Variants in LPP observed in about 807,000 individuals in gnomAD.
LPP encodes LIM domain containing preferred translocation partner in lipoma, also known as lipoma-preferred partner.
Under a neutral mutation model 60.4 loss-of-function variants are expected in LPP, and 38 were observed. The ratio of observed to expected loss-of-function variants is 0.63; its 90% CI spans 0.49 to 0.83. The LOEUF is 0.83. Ranked by LOEUF, LPP falls within the 40% of genes least tolerant of loss-of-function variation. The pLI is 0.00. For missense variants in LPP, 902 were observed against 783.6 expected (o/e 1.15, Z -1.80); for synonymous variants, 328 against 290.8 (o/e 1.13, Z -1.30).
intron 2 of LPP, among the ~76,000 whole-genome samples, chr3:188,231,099 A>G (rs1284667603): frequency 6.6e-6 from 1 of 152,248 alleles, no homozygotes; most frequent in African/African-American, 2.4e-5. Context: ...CCTGAGAGGC[A>G]AATCACAGTC....
chr3:188,239,347 A>G (rs988257863), intron 2 of LPP, among the ~76,000 whole-genome samples: 1 of 152,202 alleles, frequency 6.6e-6, no homozygotes, highest in African/African-American at 2.4e-5. Context: ...TTTTATTTAA[A>G]ACAAAACAAA....
chr3:188,492,349 G>GT (rs913398218), intron 5 of LPP, among the ~76,000 whole-genome samples: 44 of 151,958 alleles, frequency 2.9e-4, no homozygotes, highest in Admixed American at 1.7e-3. Flanking sequence ...TGTACTTATT[G>GT]TTTTTTTTAT....
intron 2 of LPP, among the ~76,000 whole-genome samples, chr3:188,254,084 G>A (rs1388029395): frequency 6.6e-6 from 1 of 152,140 alleles, no homozygotes; most frequent in Non-Finnish European, 1.5e-5. Context: ...TGTGCACATG[G>A]TTTTCACTCA....
intron 6 of LPP, among the ~76,000 whole-genome samples, chr3:188,549,723 T>C (rs1432923012): frequency 1.3e-5 from 2 of 152,184 alleles, no homozygotes; most frequent in African/African-American, 4.8e-5. Context: ...CCACTACCAC[T>C]CATTTCCCTC....
At chr3:188,862,259 GC>G (rs1387949754) in intron 9 of LPP, among the ~76,000 whole-genome samples, 3 of 152,154 alleles carry the variant, frequency 2.0e-5, no homozygotes. Flanking sequence ...TCAGACTATG[GC>G]TTCATGGGAG....
At chr3:188,394,512 G>A (rs1197103861) in intron 3 of LPP, among the ~76,000 whole-genome samples, 1 of 151,378 alleles carries the variant, frequency 6.6e-6, no homozygotes, top group Non-Finnish European at 1.5e-5. Context: ...CTGTATTGGT[G>A]AATGTTGGGT....
intron 3 of LPP, among the ~76,000 whole-genome samples, chr3:188,364,788 G>A (rs752549250): frequency 3.3e-5 from 5 of 152,160 alleles, no homozygotes; most frequent in Non-Finnish European, 5.9e-5. Context: ...CATTCAGACC[G>A]TTTGGAGGCC....
intron 9 of LPP, among the ~76,000 whole-genome samples, chr3:188,798,934 C>T (rs1246787265): frequency 6.6e-6 from 1 of 152,202 alleles, no homozygotes; most frequent in Non-Finnish European, 1.5e-5. Flanking sequence ...GTGTGGGTTC[C>T]ACCCTCTTCA....
At chr3:188,459,751 G>T (rs1027422758) in intron 4 of LPP, among the ~76,000 whole-genome samples, 1 of 152,024 alleles carries the variant, frequency 6.6e-6, no homozygotes, top group Non-Finnish European at 1.5e-5. Context: ...ACCAAACCTA[G>T]TTCTGAACCC....
chr3:188,274,938 T>C (rs747070758), intron 2 of LPP, among the ~76,000 whole-genome samples: 13 of 152,152 alleles, frequency 8.5e-5, no homozygotes, highest in Non-Finnish European at 1.9e-4. Flanking sequence ...TCGTTAGGAG[T>C]CTGACTGAAG....
chr3:188,370,945 TC>T (rs1343694511), intron 3 of LPP, among the ~76,000 whole-genome samples: 1 of 152,244 alleles, frequency 6.6e-6, no homozygotes, highest in East Asian at 1.9e-4. Context: ...GACTTGGTTT[TC>T]TTGGGCTCTG....
At chr3:188,302,184 C>T (rs1384289827) in intron 2 of LPP, among the ~76,000 whole-genome samples, 1 of 152,084 alleles carries the variant, frequency 6.6e-6, no homozygotes, top group Non-Finnish European at 1.5e-5. Context: ...GTTTAATTCT[C>T]CCATCCTTCC....
intron 7 of LPP, among the ~76,000 whole-genome samples, chr3:188,667,868 C>G (rs900700980): frequency 6.6e-6 from 1 of 150,880 alleles, no homozygotes; most frequent in African/African-American, 2.4e-5. Context: ...GCTCCTTTTT[C>G]CAAATAAAAG....
intron 7 of LPP, among the ~76,000 whole-genome samples, chr3:188,681,988 C>T (rs1235186349): frequency 1.3e-5 from 2 of 152,164 alleles, no homozygotes; most frequent in Non-Finnish European, 2.9e-5. Context: ...GAGGAAGAAC[C>T]TAATTCATGT....
intron 6 of LPP, among the ~76,000 whole-genome samples, chr3:188,607,372 T>TATAGATATATAG (rs1553941091): frequency 2.1e-4 from 1 of 4,780 alleles, no homozygotes; most frequent in African/African-American, 6.7e-4. Context: ...AAATAGAAGA[T>TATAGATATATAG]ATATATATAT....
intron 5 of LPP, among the ~76,000 whole-genome samples, chr3:188,492,867 C>A: frequency 6.6e-6 from 1 of 152,200 alleles, no homozygotes; most frequent in East Asian, 1.9e-4. Context: ...CTCCATCCCA[C>A]ATTCTATTAA....
chr3:188,354,556 G>C (rs1766938596), intron 3 of LPP, among the ~76,000 whole-genome samples: 1 of 152,128 alleles, frequency 6.6e-6, no homozygotes, highest in Admixed American at 6.5e-5. Flanking sequence ...TAGTGGGGAG[G>C]AATGGATGTT....
intron 2 of LPP, among the ~76,000 whole-genome samples, chr3:188,261,368 AC>A (rs1733572111): frequency 6.6e-6 from 1 of 152,154 alleles, no homozygotes; most frequent in Non-Finnish European, 1.5e-5. Context: ...AGACACACAC[AC>A]ACACATACAC....
intron 6 of LPP, among the ~76,000 whole-genome samples, chr3:188,550,333 C>T (rs1827768072): frequency 1.3e-5 from 2 of 152,036 alleles, no homozygotes; most frequent in African/African-American, 4.8e-5. Context: ...AATCCCAGCA[C>T]TTTGGGAGGC....
Sources: allele counts gnomAD v4.1 joint callset (sites outside exome capture counted in the v4.1 genomes callset), GRCh38; gene constraint gnomAD v4.1.1; transcripts MANE v1.5; gene names NCBI Gene and HGNC (gene_info 2026-07-23, HGNC 2026-07-21).